EOGT: variants seen among roughly 807,000 people sequenced by gnomAD.
EOGT encodes EGF domain specific O-linked N-acetylglucosamine transferase.
Under a neutral mutation model 70.5 loss-of-function variants are expected in EOGT, and 55 were observed. That is an observed-to-expected ratio of 0.78 (90% CI 0.63 to 0.98). EOGT has a LOEUF of 0.98. EOGT is among the 50% of genes least tolerant of loss of function. The probability of loss-of-function intolerance (pLI) is 0.00; values close to 1 mark genes in which losing one functional copy is unlikely to be tolerated. For missense variants in EOGT, 703 were observed against 641.9 expected (o/e 1.10, Z -1.03); for synonymous variants, 246 against 217.1 (o/e 1.13, Z -1.17).
intron 14 of EOGT, among the ~76,000 whole-genome samples, chr3:68,983,887 C>T (rs188455743): frequency 1.3e-5 from 2 of 152,098 alleles, no homozygotes; most frequent in Admixed American, 6.5e-5. Context: ...CACTTGAACC[C>T]GAGAGATGGA....
rs4855542 is a variant in EOGT at position 68,987,556 on chromosome 3, G to A, written c.1084-43C>T. 0.46 allele frequency: 665,184 copies of A among 1,437,234 alleles called. 160,239 individuals are homozygous for A. The highest frequency in any genetic ancestry group is 0.51 in the African/African-American group (36,303 of 71,654). 89.0% of individuals were successfully genotyped at this position (1,437,234 alleles called of 1,614,324 possible). A position where few individuals can be genotyped will look rare whatever the true frequency, so the allele number is the denominator to read the frequency against. The stretch of plus-strand genomic sequence containing the variant: ...CGGTAAAATAACACTGCATATGCCT[G>A]GGTAGATGAATGAACATCTGAACCC... On this transcript the variant is annotated intron_variant, in intron 13 of 17. Coordinates refer to ENST00000383701, the MANE Select transcript of EOGT (RefSeq NM_001278689.2).
rs948457787 is a variant in EOGT, at chr3:69,009,941, A to C, written c.-14-81T>G. 28 of 739,940 alleles carry C rather than the reference A, an allele frequency of 3.8e-5. No homozygotes were observed. The Middle Eastern group carries it at 1.6e-3, about 42-fold the overall frequency. 45.8% of individuals were successfully genotyped at this position (739,940 alleles called of 1,614,324 possible). Reference sequence around the variant, plus strand: ...AACAACAACAACAACAACAAAAAAAAAAAAAAAACAAAGGGTCAAGGGCTA... The same window carrying C: ...AACAACAACAACAACAACAAAAAAACAAAAAAAACAAAGGGTCAAGGGCTA... On this transcript the variant is annotated intron_variant, in intron 3 of 17. Transcript: ENST00000383701.
chr3:69,003,709 T>C (rs1180757677), intron 8 of EOGT, among the ~76,000 whole-genome samples: 2 of 152,132 alleles, frequency 1.3e-5, no homozygotes, highest in Non-Finnish European at 2.9e-5. Context: ...ACAGTCAGAG[T>C]AGCATCTACC....
intron 13 of EOGT, chr3:68,987,960 G>A (rs1251299216): frequency 1.4e-5 from 5 of 355,350 alleles, no homozygotes; most frequent in African/African-American, 6.3e-5. Context: ...TGTCGCCCAG[G>A]CGGGAGTGCA....
At chr3:68,987,397 T>G in intron 14 of EOGT, 48 bp downstream of exon 14, 1 of 1,251,842 alleles carries the variant, frequency 8.0e-7, no homozygotes, top group Non-Finnish European at 1.1e-6. Context: ...CACAATTTGC[T>G]CTATGAATTG....
intron 3 of EOGT, 47 bp from the exon 4 acceptor site, chr3:69,009,907 A>G: frequency 9.0e-7 from 1 of 1,113,198 alleles, no homozygotes; most frequent in East Asian, 2.5e-5. Flanking sequence ...TTCCTTTAAA[A>G]GCCAAAACAA....
At chr3:68,981,834 T>TG (rs1315274539) in intron 15 of EOGT, among the ~76,000 whole-genome samples, 5 of 152,110 alleles carry the variant, frequency 3.3e-5, no homozygotes, top group African/African-American at 1.2e-4. Flanking sequence ...TTGATAACTT[T>TG]TTTGTTATCA....
At chr3:69,000,375 C>T (rs1291787956) in intron 9 of EOGT, among the ~76,000 whole-genome samples, 3 of 152,186 alleles carry the variant, frequency 2.0e-5, no homozygotes, top group Non-Finnish European at 2.9e-5. Context: ...AATTTAATAG[C>T]TCACACATAT....
At chr3:69,001,187 T>A (rs2091285489) in intron 9 of EOGT, among the ~76,000 whole-genome samples, 1 of 152,114 alleles carries the variant, frequency 6.6e-6, no homozygotes, top group Non-Finnish European at 1.5e-5. Flanking sequence ...CTCGATCTCC[T>A]GACCTCGTGA....
intron 9 of EOGT, 124 bp from the exon 10 acceptor site, chr3:68,998,238 A>T (rs2091205342): frequency 1.6e-6 from 1 of 624,762 alleles, no homozygotes; most frequent in Non-Finnish European, 2.8e-6. Context: ...GGAAAAAAAT[A>T]ACTGTTTTGT....
At chr3:68,995,773 G>A (rs114835032) in intron 10 of EOGT, among the ~76,000 whole-genome samples, 2,397 of 152,244 alleles carry the variant, frequency 0.016, 66 homozygotes, top group African/African-American at 0.055. Flanking sequence ...TTAAGAAGAC[G>A]ACAGAGCACT....
rs2090610293 is a variant in EOGT at position 68,980,544 on chromosome 3, G to C, written c.1215-757C>G. The stretch of plus-strand genomic sequence containing the variant: ...ATAAGGGTGACACTCTGAATAAACA[G>C]AAAGAAATGAGATCTCCCAGCCCCA... On this transcript the variant is annotated intron_variant, in intron 15 of 17. Transcript: ENST00000383701. Among the ~76,000 whole-genome samples, 3 of 152,254 alleles carry C rather than the reference G, an allele frequency of 2.0e-5. No individual in the cohort carries two copies. In the South Asian group the frequency reaches 6.2e-4, roughly 32 times the overall value.
chr3:68,987,385 A>AC (rs2090842116), intron 14 of EOGT, 60 bp downstream of exon 14: 6 of 1,274,792 alleles, frequency 4.7e-6, no homozygotes, highest in Non-Finnish European at 4.5e-6. Flanking sequence ...AAAAAAAAAA[A>AC]ACACAATTTG....
At chr3:69,013,469 A>G (rs2091630567) in intron 1 of EOGT, 105 bp downstream of exon 1, 1 of 152,288 alleles carries the variant, frequency 6.6e-6, no homozygotes, top group East Asian at 1.9e-4. Context: ...GCCCTCCGGG[A>G]AGCCGCGCCG....
intron 1 of EOGT, among the ~76,000 whole-genome samples, chr3:69,013,110 C>T (rs906018700): frequency 6.6e-6 from 1 of 152,100 alleles, no homozygotes; most frequent in East Asian, 1.9e-4. Flanking sequence ...CGGCCAAGGG[C>T]TGAGGGGTCA....
At chr3:68,982,386 G>A (rs1438599018) in intron 15 of EOGT, among the ~76,000 whole-genome samples, 2 of 152,102 alleles carry the variant, frequency 1.3e-5, no homozygotes, top group Non-Finnish European at 2.9e-5. Context: ...CGGATATGGT[G>A]GCACACGCCT....
At chr3:68,997,510 A>G (rs1217329656) in intron 10 of EOGT, among the ~76,000 whole-genome samples, 1 of 152,052 alleles carries the variant, frequency 6.6e-6, no homozygotes, top group South Asian at 2.1e-4. Flanking sequence ...CTGGGACAAC[A>G]TGTGTCTGCC....
chr3:68,992,181 C>T (rs1220796882), intron 10 of EOGT, among the ~76,000 whole-genome samples: 9 of 152,168 alleles, frequency 5.9e-5, no homozygotes, highest in African/African-American at 2.2e-4. Flanking sequence ...AAAGTCTTAA[C>T]TCATTTCAGC....
intron 9 of EOGT, among the ~76,000 whole-genome samples, chr3:68,998,671 T>C (rs868030813): frequency 1.3e-5 from 2 of 151,930 alleles, no homozygotes; most frequent in Admixed American, 6.6e-5. Flanking sequence ...CTGGCCAACA[T>C]AGTGAAATCC....
Sources: allele counts gnomAD v4.1 joint callset (sites outside exome capture counted in the v4.1 genomes callset), GRCh38; gene constraint gnomAD v4.1.1; transcripts MANE v1.5; gene names NCBI Gene and HGNC (gene_info 2026-07-23, HGNC 2026-07-21).